Variants in TLR10 observed in about 807,000 individuals in gnomAD.
TLR10 encodes toll-like receptor 10.
For synonymous variants in TLR10, 288 were observed against 338.8 expected (o/e 0.85, Z 1.65); for missense variants, 929 against 932.9 (o/e 1.00, Z 0.05).
Position 38,775,822 on chromosome 4 carries a change from C to T in TLR10, c.-110G>A. ...GATCTCAGAGCATTGGCTGAGAAGT[C>T]TCCAAGCTGGCTACTGTGCCATGTC... On this transcript the variant is annotated 5_prime_UTR_variant, in exon 3 of 4. Coordinates refer to ENST00000308973, the MANE Select transcript of TLR10 (RefSeq NM_030956.4). The T allele has an allele frequency of 2.6e-6, 1 of 379,382 alleles. No individual in the cohort carries two copies. The allele number at this position is 379,382 out of a possible 1,614,324, so 23.5% of individuals were successfully genotyped here.
intron 1 of TLR10, chr4:38,779,127 A>AGATGCTC (rs1725243258): frequency 1.3e-5 from 2 of 152,338 alleles, no homozygotes; most frequent in Admixed American, 1.3e-4. Flanking sequence ...GAGAGAGAGC[A>AGATGCTC]TCTTATCTCT....
At chr4:38,778,449 T>TAAAC (rs143881488) in intron 1 of TLR10, among the ~76,000 whole-genome samples, 2 of 151,688 alleles carry the variant, frequency 1.3e-5, no homozygotes, top group Admixed American at 6.6e-5. Flanking sequence ...AATAAATAAA[T>TAAAC]AAACAAACAA....
Position 38,773,450 on chromosome 4 carries a change from T to A in TLR10, c.2141A>T (p.His714Leu). 1 of 1,611,996 alleles carries A rather than the reference T, an allele frequency of 6.2e-7. No individual in the cohort carries two copies. Among genetic ancestry groups the A allele is most frequent in the South Asian group, 1.1e-5 (1 of 90,662 alleles). ...EWCHYEFYFA[H>L]HNLFHENSDH... ...AGAATTTTCATGGAAGAGATTGTGG[T>A]GGGCAAAGTAGAATTCATAATGGCA... Residue 714 changes from histidine to leucine, a missense_variant, in exon 4 of 4, where the codon CAC (histidine) becomes CTC (leucine). Transcript: ENST00000308973.
chr4:38,780,502 T>C (rs1725340035), intron 1 of TLR10, among the ~76,000 whole-genome samples: 1 of 152,164 alleles, frequency 6.6e-6, no homozygotes, highest in East Asian at 1.9e-4. Flanking sequence ...ACTCGGACCA[T>C]TTATTTAATC....
chr4:38,772,482 A>C lies in TLR10; in HGVS notation c.*673T>G, dbSNP rs527534521. On this transcript the variant is annotated 3_prime_UTR_variant, in exon 4 of 4. Coordinates refer to ENST00000308973, the MANE Select transcript of TLR10 (RefSeq NM_030956.4). ...CCAACCTAATAGTTTATAACATATT[A>C]ATATGTTTTTTCCATACCAGGAAAT... is the stretch of plus-strand genomic sequence containing the variant. 6.6e-6 allele frequency: 1 copy of C among 152,296 alleles called. No homozygotes were observed. Among genetic ancestry groups the C allele is most frequent in the Non-Finnish European group, 1.5e-5 (1 of 68,020 alleles). 9.4% of individuals were successfully genotyped at this position (152,296 alleles called of 1,614,324 possible).
Position 38,775,527 on chromosome 4 carries a change from G to A in TLR10, c.64C>T (p.Pro22Ser), listed in dbSNP as rs1291191631. 6.2e-7 allele frequency: 1 copy of A among 1,614,036 alleles called. No individual in the cohort carries two copies. Among genetic ancestry groups the A allele is most frequent in the South Asian group, 1.1e-5 (1 of 91,066 alleles). ...AGTTCCCTTTCTTCTGGCAGCTCTG[G>A]AGCATCACCCTCTGCTGTCATAACA... ...SIVMTAEGDA[P>S]ELPEERELMT... Residue 22 changes from proline to serine, a missense_variant, in exon 4 of 4, where the codon CCA becomes TCA. Coordinates refer to ENST00000308973, the MANE Select transcript of TLR10 (RefSeq NM_030956.4).
At chr4:38,779,200 A>G (rs1229823318) in intron 1 of TLR10, 1 of 152,220 alleles carries the variant, frequency 6.6e-6, no homozygotes, top group Non-Finnish European at 1.5e-5. Flanking sequence ...GTAAACTTGG[A>G]GAATTCCTTT....
intron 1 of TLR10, among the ~76,000 whole-genome samples, chr4:38,776,855 T>G (rs139665572): frequency 1.3e-5 from 2 of 152,302 alleles, no homozygotes; most frequent in East Asian, 1.9e-4. Flanking sequence ...CAATTCCACA[T>G]GCCTGGGGAG....
At chr4:38,775,724 A>G (rs1281175851) in intron 3 of TLR10, 51 bp downstream of exon 3, 3 of 909,998 alleles carry the variant, frequency 3.3e-6, no homozygotes, top group Non-Finnish European at 4.7e-6. Context: ...TTTGCAAAAA[A>G]AATGCCAACA....
In TLR10 at chr4:38,774,034, C is replaced by A; in HGVS notation, c.1557G>T (p.Ala519=). 6.2e-7 allele frequency: 1 copy of A among 1,608,468 alleles called. No homozygotes were observed. Among genetic ancestry groups the A allele is most frequent in the Non-Finnish European group, 8.5e-7 (1 of 1,176,940 alleles). Residue 519 remains alanine (A), a synonymous_variant, in exon 4 of 4, where the codon GCG becomes GCT. Transcript: ENST00000308973. ...QSCQEVKTLN[A]GRNPFRCTCE... ...AGGTACACCGGAATGGATTTCTTCC[C>A]GCATTTAGAGTTTTAACTTCCTGGC... is the stretch of plus-strand genomic sequence containing the variant.
chr4:38,781,679 T>C lies in TLR10; in HGVS notation c.-569+1242A>G, dbSNP rs571802093. ...ATTTAAAAGTCCAAGTCAAAAGACA[T>C]CATCAAATGACAACTAGTGTTTTAC... On this transcript the variant is annotated intron_variant, in intron 1 of 3. Transcript: ENST00000308973. Among the ~76,000 whole-genome samples the C allele has an allele frequency of 9.8e-5, 15 of 152,334 alleles. No homozygotes were observed. The East Asian group carries it at 2.7e-3, about 27-fold the overall frequency.
chr4:38,774,813 A>C lies in TLR10; in HGVS notation c.778T>G (p.Phe260Val), dbSNP rs966357887. The change falls in exon 4 of 4, where the codon TTC (phenylalanine) becomes GTC (valine). Residue 260 changes from phenylalanine to valine, a missense_variant. Transcript: ENST00000308973. ...NKVDLLWDDL[F>V]LILQFVWHTS... ...TGCCAAACAAATTGTAAGATAAGGAAAAGGTCGTCCCAGAGTAAATCAACT... is the reference window on the plus strand; with the variant it reads ...TGCCAAACAAATTGTAAGATAAGGACAAGGTCGTCCCAGAGTAAATCAACT... The C allele has an allele frequency of 6.3e-7, 1 of 1,596,068 alleles. No homozygotes were observed. Among genetic ancestry groups the C allele is most frequent in the African/African-American group, 1.4e-5 (1 of 74,032 alleles).
chr4:38,774,505 G>A lies in TLR10; in HGVS notation c.1086C>T (p.Asp362=), dbSNP rs138436352. ...GTTGGATAGTTCTTTTAAACAACTC[G>A]TCTGTTAAGATATTATTGGCAAAAT... ...YLNFANNILT[D]ELFKRTIQLP... Residue 362 remains aspartate (D), a synonymous_variant, in exon 4 of 4, where the codon GAC becomes GAT. Coordinates refer to ENST00000308973, the MANE Select transcript of TLR10 (RefSeq NM_030956.4). 55 of 1,589,172 alleles carry A rather than the reference G, an allele frequency of 3.5e-5. No individual in the cohort carries two copies. The Admixed American group carries it at 5.2e-4, about 15-fold the overall frequency.
At position 38,775,129 on chromosome 4, in the gene TLR10, T is replaced by C. The variant is rs1437727666; in HGVS notation, c.462A>G (p.Ile154Met). Residue 154 changes from isoleucine (I) to methionine (M), a missense_variant, in exon 4 of 4, where the codon ATA becomes ATG. By Grantham distance (10) the Ile-to-Met change is conservative. Coordinates refer to ENST00000308973, the MANE Select transcript of TLR10 (RefSeq NM_030956.4). The stretch of plus-strand genomic sequence containing the variant: ...CAATTTTCTGGAAATCTGATTTTTG[T>C]ATTTTTGCCCCACTCAAACCTAGGA... ...LEILGLSGAKIQKSDFQKIAH... is the reference protein window; with the variant it reads ...LEILGLSGAKMQKSDFQKIAH... 6.2e-7 allele frequency: 1 copy of C among 1,613,668 alleles called. No homozygotes were observed. The highest frequency in any genetic ancestry group is 1.7e-5 in the Admixed American group (1 of 60,016).
At chr4:38,782,019 G>T (rs935865148) in intron 1 of TLR10, among the ~76,000 whole-genome samples, 2 of 152,178 alleles carry the variant, frequency 1.3e-5, no homozygotes, top group African/African-American at 2.4e-5. Flanking sequence ...GACCTGTCTG[G>T]TTCCTTCTGG....
Position 38,773,672 on chromosome 4 carries a change from T to C in TLR10, c.1919A>G (p.Tyr640Cys). ...RNVRFHAFIS[Y>C]SEHDSLWVKN... ...CACCCACAGAGAATCATGTTCACTGTATGAAATAAATGCGTGGAATCGGAC... is the reference window on the plus strand; with the variant it reads ...CACCCACAGAGAATCATGTTCACTGCATGAAATAAATGCGTGGAATCGGAC... Residue 640 changes from tyrosine to cysteine, a missense_variant, in exon 4 of 4, where the codon TAC (tyrosine) becomes TGC (cysteine). Coordinates refer to ENST00000308973, the MANE Select transcript of TLR10 (RefSeq NM_030956.4). 6.2e-7 allele frequency: 1 copy of C among 1,612,530 alleles called. No individual in the cohort carries two copies. The highest frequency in any genetic ancestry group is 8.5e-7 in the Non-Finnish European group (1 of 1,179,262).
rs371911164 is a variant in TLR10, at chr4:38,773,313, C to T, written c.2278G>A (p.Asp760Asn). 3.2e-5 allele frequency: 52 copies of T among 1,613,622 alleles called. No individual in the cohort carries two copies. Among genetic ancestry groups the T allele is most frequent in the Non-Finnish European group, 4.2e-5 (49 of 1,179,910 alleles). ...CAGAAAAGCCCACATTTACGCCTAT[C>T]CTTGGGCCATTCCAAGTATGCTTTT... ...EKKAYLEWPK[D>N]RRKCGLFWAN... is the part of the protein sequence containing the mutation. Residue 760 changes from aspartate to asparagine, a missense_variant, in exon 4 of 4, where the codon GAT becomes AAT. Asp to Asn is a conservative substitution (Grantham distance 23). Transcript: ENST00000308973.
rs148390377 is a variant in TLR10 at position 38,774,845 on chromosome 4, A to C, written c.746T>G (p.Leu249Arg). ...LENAKTSVLL[L>R]NKVDLLWDDL... ...GTCCCAGAGTAAATCAACTTTATTA[A>C]GCAATAGAACCGATGTCTTAGCATT... is the stretch of plus-strand genomic sequence containing the variant. The change falls in exon 4 of 4, where the codon CTT becomes CGT. Residue 249 changes from leucine to arginine, a missense_variant. Physicochemically the swap from Leu to Arg is moderately radical, Grantham distance 102. Coordinates refer to ENST00000308973, the MANE Select transcript of TLR10 (RefSeq NM_030956.4). 6.9e-6 allele frequency: 11 copies of C among 1,596,408 alleles called. No individual in the cohort carries two copies. The highest frequency in any genetic ancestry group is 9.4e-6 in the Non-Finnish European group (11 of 1,172,508).
At position 38,774,681 on chromosome 4, in the gene TLR10, A is replaced by G. The variant is rs369536643; in HGVS notation, c.910T>C (p.Leu304=). Reference sequence around the variant, plus strand: ...AACACTCTGAAATGTACATGCTCCAATTTTATAGTTCTCATTACAGTATTT... The same window carrying G: ...AACACTCTGAAATGTACATGCTCCAGTTTTATAGTTCTCATTACAGTATTT... ...YSNTVMRTIK[L]EHVHFRVFYI... Residue 304 remains leucine (L), a synonymous_variant, in exon 4 of 4, where the codon TTG becomes CTG. Transcript: ENST00000308973. 3.8e-5 allele frequency: 59 copies of G among 1,563,252 alleles called. No individual in the cohort carries two copies. The highest frequency in any genetic ancestry group is 6.9e-5 in the African/African-American group (5 of 72,660).
Sources: gnomAD v4.1 joint callset for allele counts (sites outside exome capture counted in the v4.1 genomes callset) on GRCh38, gnomAD v4.1.1 for gene constraint, MANE v1.5 for transcripts, NCBI Gene and HGNC (gene_info 2026-07-23, HGNC 2026-07-21) for gene names.